The following CNTN3 variants were observed in gnomAD, a reference collection of about 807,000 sequenced individuals.
CNTN3 encodes the protein contactin 3, also known as contactin-3.
In CNTN3, 60 loss-of-function variants were observed where a neutral mutation model predicts 119.1. The ratio of observed to expected loss-of-function variants is 0.50; its 90% CI spans 0.41 to 0.62. The LOEUF (loss-of-function observed/expected upper bound fraction) is 0.62, where lower values mean the gene tolerates loss of function less well. Ranked by LOEUF, CNTN3 falls within the 20% of genes least tolerant of loss-of-function variation. The pLI is 0.00. For missense variants in CNTN3, 1,101 were observed against 1,242.4 expected (o/e 0.89, Z 1.71); for synonymous variants, 450 against 438.7 (o/e 1.03, Z -0.32).
intron 3 of CNTN3, 34 bp downstream of exon 3, chr3:74,499,625 T>C: frequency 1.3e-6 from 2 of 1,578,440 alleles, no homozygotes; most frequent in Non-Finnish European, 1.7e-6. Flanking sequence ...GTGTTTAGTT[T>C]TTTTTATTTG....
At chr3:74,422,353 T>G (rs1213796684) in intron 5 of CNTN3, among the ~76,000 whole-genome samples, 2 of 152,218 alleles carry the variant, frequency 1.3e-5, no homozygotes, top group Non-Finnish European at 2.9e-5. Context: ...GTCTGACATC[T>G]GGGAAGATTT....
At chr3:74,584,368 T>C (rs1334218863) in intron 1 of CNTN3, among the ~76,000 whole-genome samples, 1 of 152,210 alleles carries the variant, frequency 6.6e-6, no homozygotes, top group African/African-American at 2.4e-5. Context: ...ATTAAGATTT[T>C]ATCCCCAATG....
chr3:74,452,048 G>C (rs1327738996), intron 4 of CNTN3, among the ~76,000 whole-genome samples: 2 of 146,414 alleles, frequency 1.4e-5, no homozygotes, highest in East Asian at 4.1e-4. Context: ...CCAATTCTGT[G>C]AAGAAAGTCA....
chr3:74,394,705 A>G (rs1705001380), intron 5 of CNTN3, among the ~76,000 whole-genome samples: 1 of 152,212 alleles, frequency 6.6e-6, no homozygotes, highest in Non-Finnish European at 1.5e-5. Flanking sequence ...GTGTGAAACT[A>G]ACAAAGTTAG....
At chr3:74,454,756 C>G (rs1452286537) in intron 4 of CNTN3, among the ~76,000 whole-genome samples, 2 of 151,976 alleles carry the variant, frequency 1.3e-5, no homozygotes, top group African/African-American at 2.4e-5. Flanking sequence ...GATTTTATTT[C>G]TCCTTCACTT....
intron 4 of CNTN3, among the ~76,000 whole-genome samples, chr3:74,453,349 G>C (rs1559610593): frequency 6.6e-6 from 1 of 152,068 alleles, no homozygotes; most frequent in African/African-American, 2.4e-5. Context: ...ATTTCTGTGG[G>C]ATCGGTGGTG....
At chr3:74,348,853 A>T (rs1209961824) in intron 11 of CNTN3, among the ~76,000 whole-genome samples, 1 of 152,094 alleles carries the variant, frequency 6.6e-6, no homozygotes, top group African/African-American at 2.4e-5. Context: ...AGGCAGAAGT[A>T]GGAGGACTGC....
At chr3:74,573,697 T>C (rs192488341) in intron 1 of CNTN3, among the ~76,000 whole-genome samples, 155 of 151,998 alleles carry the variant, frequency 1.0e-3, no homozygotes, top group African/African-American at 3.6e-3. Flanking sequence ...TTTAACATCA[T>C]TGGTCATTAG....
chr3:74,528,646 T>G, intron 1 of CNTN3, among the ~76,000 whole-genome samples: 1 of 151,914 alleles, frequency 6.6e-6, no homozygotes, highest in East Asian at 1.9e-4. Context: ...AGAAACTGTG[T>G]ACTTACAACC....
chr3:74,512,692 CA>C (rs66822650), intron 2 of CNTN3, among the ~76,000 whole-genome samples: 941 of 85,214 alleles, frequency 0.011, 9 homozygotes, highest in African/African-American at 0.039. Context: ...CATAATCAAG[CA>C]AAAAAAAAAA....
At chr3:74,444,611 T>C (rs1702019896) in intron 4 of CNTN3, among the ~76,000 whole-genome samples, 1 of 152,118 alleles carries the variant, frequency 6.6e-6, no homozygotes. Context: ...CAAAGATGCT[T>C]TGCCTTGGTG....
chr3:74,481,665 G>T (rs1575768499), intron 4 of CNTN3, among the ~76,000 whole-genome samples: 1 of 151,450 alleles, frequency 6.6e-6, no homozygotes, highest in South Asian at 2.1e-4. Context: ...GTATAGAAAA[G>T]AATAAGTTAA....
chr3:74,407,185 T>C (rs1358147390), intron 5 of CNTN3, among the ~76,000 whole-genome samples: 3 of 151,928 alleles, frequency 2.0e-5, no homozygotes, highest in Admixed American at 1.3e-4. Context: ...TAGGAACACA[T>C]ATATTGTGTG....
intron 2 of CNTN3, among the ~76,000 whole-genome samples, chr3:74,507,090 C>T (rs959899573): frequency 2.0e-5 from 3 of 152,028 alleles, no homozygotes; most frequent in Admixed American, 1.3e-4. Flanking sequence ...TGAAGAATTC[C>T]TTTTGTAAAT....
intron 1 of CNTN3, among the ~76,000 whole-genome samples, chr3:74,524,435 G>A (rs547405081): frequency 6.6e-6 from 1 of 151,878 alleles, no homozygotes; most frequent in African/African-American, 2.4e-5. Flanking sequence ...TACAGTAGAG[G>A]GTAGACGTTT....
intron 1 of CNTN3, among the ~76,000 whole-genome samples, chr3:74,601,689 T>C (rs1157199024): frequency 2.0e-5 from 3 of 152,130 alleles, no homozygotes; most frequent in Non-Finnish European, 2.9e-5. Flanking sequence ...CATGTGACAC[T>C]GCAGTTCCTC....
intron 17 of CNTN3, among the ~76,000 whole-genome samples, chr3:74,298,888 GGAAAA>G (rs1235813495): frequency 1.2e-4 from 6 of 49,730 alleles, no homozygotes; most frequent in African/African-American, 2.1e-4. Context: ...ACTCCATCAA[GGAAAA>G]AAAAAAAAAA....
intron 2 of CNTN3, among the ~76,000 whole-genome samples, chr3:74,513,629 C>T (rs1467086652): frequency 6.6e-6 from 1 of 151,100 alleles, no homozygotes; most frequent in South Asian, 2.1e-4. Context: ...TCTTCAATGG[C>T]TGTCCGAGCA....
chr3:74,279,796 TAATAA>T (rs1339882569), intron 20 of CNTN3, among the ~76,000 whole-genome samples: 1 of 150,792 alleles, frequency 6.6e-6, no homozygotes, highest in Non-Finnish European at 1.5e-5. Context: ...GGAAAAATAA[TAATAA>T]AATAAAAGTC....
Sources: allele counts gnomAD v4.1 joint callset (sites outside exome capture counted in the v4.1 genomes callset), GRCh38; gene constraint gnomAD v4.1.1; transcripts MANE v1.5; gene names NCBI Gene and HGNC (gene_info 2026-07-23, HGNC 2026-07-21).